The following FOCAD variants were observed in gnomAD, a reference collection of about 807,000 sequenced individuals.
The protein encoded by FOCAD is focadhesin, also known as KIAA1797.
Under a neutral mutation model 225.6 loss-of-function variants are expected in FOCAD, and 198 were observed. The ratio of observed to expected loss-of-function variants is 0.88; its 90% CI spans 0.78 to 0.99. The LOEUF is 0.99. Ranked by LOEUF, FOCAD falls within the 50% of genes least tolerant of loss-of-function variation. FOCAD has a pLI of 0.00. For missense variants in FOCAD, 2,713 were observed against 2,123.6 expected (o/e 1.28, Z -5.46); for synonymous variants, 897 against 755.0 (o/e 1.19, Z -3.08).
At chr9:20,845,340 T>C (rs1826971170) in intron 15 of FOCAD, among the ~76,000 whole-genome samples, 2 of 151,526 alleles carry the variant, frequency 1.3e-5, no homozygotes, top group Admixed American at 6.6e-5. Context: ...TTTCTGAACA[T>C]CTCTGTATGT....
At chr9:20,736,511 T>C (rs912130260) in intron 4 of FOCAD, among the ~76,000 whole-genome samples, 1 of 152,126 alleles carries the variant, frequency 6.6e-6, no homozygotes, top group African/African-American at 2.4e-5. Flanking sequence ...AAAGCAGATT[T>C]TGAGCTAAGA....
chr9:20,933,529 C>A (rs149495956), intron 28 of FOCAD, among the ~76,000 whole-genome samples: 3,627 of 152,162 alleles, frequency 0.024, 90 homozygotes, highest in Non-Finnish European at 0.035. Context: ...GCCATTAGTT[C>A]ATTCCTTTTT....
intron 28 of FOCAD, among the ~76,000 whole-genome samples, chr9:20,936,806 C>A (rs1836020759): frequency 6.6e-6 from 1 of 152,190 alleles, no homozygotes; most frequent in Admixed American, 6.5e-5. Context: ...TTGTAGATGG[C>A]ATGATTGTAT....
chr9:20,938,232 A>G (rs1836207567), intron 28 of FOCAD, among the ~76,000 whole-genome samples: 2 of 152,230 alleles, frequency 1.3e-5, no homozygotes, highest in Non-Finnish European at 2.9e-5. Context: ...ATTACTGGGT[A>G]TATACCCAAA....
chr9:20,701,303 C>A (rs571253652), intron 1 of FOCAD, among the ~76,000 whole-genome samples: 2 of 152,248 alleles, frequency 1.3e-5, no homozygotes, highest in African/African-American at 4.8e-5. Context: ...TATTTCAAGC[C>A]CTGTTTTTAC....
In FOCAD at chr9:20,866,917, T is replaced by TTAAAA; in HGVS notation, c.2107-12_2107-11insTAAAA. On this transcript the variant is annotated splice_polypyrimidine_tract_variant and intron_variant, in intron 17 of 43. Coordinates refer to ENST00000338382, the MANE Select transcript of FOCAD (RefSeq NM_001375567.1). ...TTTTTTTTTTTTTTTTTTTTTTTTT[T>TTAAAA]ACCCTATCTAGGACCCAATTGTAGC... is the stretch of plus-strand genomic sequence containing the variant. 1 of 764,966 alleles carries TTAAAA rather than the reference T, an allele frequency of 1.3e-6. No homozygotes were observed. The highest frequency in any genetic ancestry group is 2.0e-6 in the Non-Finnish European group (1 of 498,462). 47.4% of individuals were successfully genotyped at this position (764,966 alleles called of 1,614,324 possible).
chr9:20,857,347 A>G (rs1404585398), intron 15 of FOCAD, among the ~76,000 whole-genome samples: 1 of 151,348 alleles, frequency 6.6e-6, no homozygotes, highest in Non-Finnish European at 1.5e-5. Context: ...ATTTTATTTT[A>G]TGTGTAGATA....
intron 8 of FOCAD, among the ~76,000 whole-genome samples, chr9:20,777,993 G>A (rs1377305292): frequency 6.7e-6 from 1 of 149,336 alleles, no homozygotes; most frequent in African/African-American, 2.5e-5. Flanking sequence ...GGGAGGCTGA[G>A]GCAGGAGAAT....
chr9:20,755,983 C>T (rs956861667), intron 5 of FOCAD, among the ~76,000 whole-genome samples: 1 of 151,972 alleles, frequency 6.6e-6, no homozygotes, highest in Non-Finnish European at 1.5e-5. Flanking sequence ...TAATTGAACA[C>T]GACCTGCTGA....
intron 2 of FOCAD, among the ~76,000 whole-genome samples, chr9:20,660,318 A>G (rs1821675860): frequency 6.6e-6 from 1 of 152,194 alleles, no homozygotes; most frequent in South Asian, 2.1e-4. Context: ...AACTACTGTT[A>G]TTCCCATTTT....
chr9:20,813,382 G>A (rs1823295468), intron 11 of FOCAD, among the ~76,000 whole-genome samples: 1 of 152,048 alleles, frequency 6.6e-6, no homozygotes, highest in Non-Finnish European at 1.5e-5. Context: ...ACAACCTCAA[G>A]ATCGATCATA....
rs150996602 is a variant in FOCAD, at chr9:20,855,956, G to A, written c.1921-6622G>A. On this transcript the variant is annotated intron_variant, in intron 15 of 43. Transcript: ENST00000338382. ...TTATGGTTAAATAATATTCCATTGT[G>A]TGTCTATACCACATTTTCTTTATTC... 6.0e-3 allele frequency among the ~76,000 whole-genome samples: 904 copies of A among 151,674 alleles called. 11 individuals are homozygous for A. Among genetic ancestry groups the A allele is most frequent in the African/African-American group, 0.021 (864 of 41,392 alleles).
chr9:20,828,291 G>A (rs982565829), intron 15 of FOCAD, among the ~76,000 whole-genome samples: 10 of 152,022 alleles, frequency 6.6e-5, no homozygotes, highest in African/African-American at 9.7e-5. Context: ...CCATGACATC[G>A]TGTTGTAAAT....
At chr9:20,811,286 C>A (rs1009402559) in intron 11 of FOCAD, among the ~76,000 whole-genome samples, 1 of 151,888 alleles carries the variant, frequency 6.6e-6, no homozygotes, top group African/African-American at 2.4e-5. Context: ...TGATACAGTC[C>A]GAAATTCAGT....
intron 6 of FOCAD, among the ~76,000 whole-genome samples, chr9:20,763,855 G>A (rs1829830317): frequency 6.6e-6 from 1 of 152,154 alleles, no homozygotes; most frequent in Admixed American, 6.5e-5. Context: ...GATCATTCCG[G>A]TGTTTTAGTG....
In FOCAD at chr9:20,882,063, G is replaced by A. The variant is rs370592457; in HGVS notation, c.2503+7G>A. ...CTGAAACCTGGCCTTGCAGGTAAGG[G>A]TAGTACATAGTATCAAAAATACAGG... On this transcript the variant is annotated splice_region_variant and intron_variant, in intron 20 of 43. Transcript: ENST00000338382. 7.6e-5 allele frequency: 121 copies of A among 1,595,062 alleles called. No homozygotes were observed. Among genetic ancestry groups the A allele is most frequent in the Non-Finnish European group, 9.5e-5 (111 of 1,173,232 alleles).
At chr9:20,946,608 G>T (rs1336450670) in intron 29 of FOCAD, 93 bp from the exon 30 acceptor site, 6 of 1,346,336 alleles carry the variant, frequency 4.5e-6, no homozygotes, top group Admixed American at 2.2e-5. Flanking sequence ...TTCTTACTCT[G>T]GGGGGGAGTT....
At chr9:20,971,093 G>T (rs1839720216) in intron 35 of FOCAD, among the ~76,000 whole-genome samples, 1 of 152,068 alleles carries the variant, frequency 6.6e-6, no homozygotes, top group Non-Finnish European at 1.5e-5. Context: ...CTCTCTGAAG[G>T]CTCTGTTCTT....
At chr9:20,798,734 C>G (rs575611209) in intron 11 of FOCAD, among the ~76,000 whole-genome samples, 3 of 152,052 alleles carry the variant, frequency 2.0e-5, no homozygotes, top group South Asian at 2.1e-4. Flanking sequence ...TGATTCTTCT[C>G]TCTTTTCTTC....
Sources: gnomAD v4.1 joint callset for allele counts (sites outside exome capture counted in the v4.1 genomes callset) on GRCh38, gnomAD v4.1.1 for gene constraint, MANE v1.5 for transcripts, NCBI Gene and HGNC (gene_info 2026-07-23, HGNC 2026-07-21) for gene names.